Variants in NEXMIF observed in about 807,000 individuals in gnomAD.
NEXMIF encodes neurite extension and migration factor, also known as XLMR protein related to neurite extension.
NEXMIF carries 8 observed loss-of-function variants against 62.1 expected under a neutral mutation model. That is an observed-to-expected ratio of 0.13 (90% CI 0.08 to 0.23). The LOEUF is 0.23. Ranked by LOEUF, NEXMIF falls within the 10% of genes least tolerant of loss-of-function variation. NEXMIF has a pLI of 1.00. For missense variants in NEXMIF, 976 were observed against 1,113.3 expected (o/e 0.88, Z 1.75); for synonymous variants, 404 against 416.6 (o/e 0.97, Z 0.37).
chrX:74,882,338 G>A (rs758617806), intron 1 of NEXMIF, among the ~76,000 whole-genome samples: 1 of 112,015 alleles, frequency 8.9e-6, no homozygotes, highest in South Asian at 3.7e-4. Context: ...TGAGTCGAAG[G>A]AGGTCAAGGC....
chrX:74,919,959 C>T (rs1305698238), intron 1 of NEXMIF, among the ~76,000 whole-genome samples: 1 of 111,401 alleles, frequency 9.0e-6, no homozygotes, highest in African/African-American at 3.3e-5. Context: ...ATGAACTCAT[C>T]ATTTTTTATA....
chrX:74,885,339 A>G (rs1429681595), intron 1 of NEXMIF, among the ~76,000 whole-genome samples: 1 of 111,932 alleles, frequency 8.9e-6, no homozygotes, highest in East Asian at 2.8e-4. Flanking sequence ...AACCCTTCAA[A>G]AAATCAGTGA....
chrX:74,919,208 T>C (rs2080817801), intron 1 of NEXMIF, among the ~76,000 whole-genome samples: 1 of 111,952 alleles, frequency 8.9e-6, no homozygotes, highest in Non-Finnish European at 1.9e-5. Context: ...TTTATGTGCA[T>C]GTGTATGTGC....
chrX:74,790,988 C>A (rs2080280187), intron 1 of NEXMIF, among the ~76,000 whole-genome samples: 1 of 110,762 alleles, frequency 9.0e-6, no homozygotes, highest in Non-Finnish European at 1.9e-5. Flanking sequence ...TGCCTAATTG[C>A]CCTGGCCAGA....
intron 1 of NEXMIF, among the ~76,000 whole-genome samples, chrX:74,864,845 A>T (rs1379167214): frequency 1.8e-5 from 2 of 110,533 alleles, no homozygotes; most frequent in East Asian, 5.7e-4. Flanking sequence ...AGTAGCTGGG[A>T]CTATAGGCAC....
intron 1 of NEXMIF, among the ~76,000 whole-genome samples, chrX:74,800,016 A>G (rs1426874515): frequency 1.8e-5 from 2 of 111,721 alleles, no homozygotes; most frequent in Non-Finnish European, 3.8e-5. Context: ...CAATGAGAAA[A>G]TAGAAAGCCT....
At chrX:74,847,107 T>A (rs1445671560) in intron 1 of NEXMIF, among the ~76,000 whole-genome samples, 1 of 112,284 alleles carries the variant, frequency 8.9e-6, no homozygotes, top group African/African-American at 3.2e-5. Context: ...AAACACAAAG[T>A]CATTTTCTCT....
chrX:74,873,962 A>G (rs1209975416), intron 1 of NEXMIF, among the ~76,000 whole-genome samples: 1 of 111,107 alleles, frequency 9.0e-6, no homozygotes. Context: ...CTCTGATGGT[A>G]GTTTCTTTTG....
intron 1 of NEXMIF, among the ~76,000 whole-genome samples, chrX:74,750,375 T>G (rs2080138297): frequency 9.0e-6 from 1 of 111,729 alleles, no homozygotes; most frequent in Admixed American, 9.5e-5. Context: ...CAGGATCTTC[T>G]TGGGAATAAA....
At chrX:74,836,463 C>T (rs1215329661) in intron 1 of NEXMIF, among the ~76,000 whole-genome samples, 1 of 111,973 alleles carries the variant, frequency 8.9e-6, no homozygotes, top group Non-Finnish European at 1.9e-5. Flanking sequence ...GGTATTGGTG[C>T]TGGTTATTCA....
chrX:74,916,814 G>C (rs1018654982), intron 1 of NEXMIF, among the ~76,000 whole-genome samples: 1 of 111,623 alleles, frequency 9.0e-6, no homozygotes, highest in Admixed American at 9.5e-5. Flanking sequence ...AAAATAGGGG[G>C]GTAAATTCAT....
intron 1 of NEXMIF, among the ~76,000 whole-genome samples, chrX:74,879,344 T>C (rs1044524425): frequency 1.8e-5 from 2 of 112,002 alleles, no homozygotes; most frequent in Non-Finnish European, 3.8e-5. Flanking sequence ...GCTCAACAAA[T>C]TCCAAGTAGG....
intron 1 of NEXMIF, among the ~76,000 whole-genome samples, chrX:74,868,644 G>A (rs1156276929): frequency 3.7e-5 from 4 of 108,892 alleles, no homozygotes; most frequent in Admixed American, 1.0e-4. Context: ...GGGGGAAGAA[G>A]AGCATCAGGA....
chrX:74,917,968 T>C (rs2080813605), intron 1 of NEXMIF, among the ~76,000 whole-genome samples: 1 of 111,487 alleles, frequency 9.0e-6, no homozygotes, highest in East Asian at 2.8e-4. Flanking sequence ...GCTAAGTGGC[T>C]CTTCTTCATA....
chrX:74,761,500 T>A (rs1029149614), intron 1 of NEXMIF, among the ~76,000 whole-genome samples: 1 of 111,722 alleles, frequency 9.0e-6, no homozygotes, highest in African/African-American at 3.3e-5. Flanking sequence ...TTTTCCAGTT[T>A]GTGTCCATAG....
At chrX:74,766,091 T>C (rs1275518706) in intron 1 of NEXMIF, among the ~76,000 whole-genome samples, 1 of 109,454 alleles carries the variant, frequency 9.1e-6, no homozygotes, top group Non-Finnish European at 1.9e-5. Context: ...TCTTCTGGCT[T>C]GTAGGGTTTC....
intron 1 of NEXMIF, among the ~76,000 whole-genome samples, chrX:74,922,952 T>G (rs963781270): frequency 4.5e-5 from 5 of 111,486 alleles, no homozygotes; most frequent in African/African-American, 1.3e-4. Context: ...AAATTTCAAG[T>G]CTTACAAATT....
At chrX:74,916,719 A>T (rs1490575177) in intron 1 of NEXMIF, among the ~76,000 whole-genome samples, 1 of 111,838 alleles carries the variant, frequency 8.9e-6, no homozygotes, top group Non-Finnish European at 1.9e-5. Flanking sequence ...AGTTTCAGGC[A>T]TTCCATTAAA....
At chrX:74,827,692 A>G (rs1278976390) in intron 1 of NEXMIF, among the ~76,000 whole-genome samples, 1 of 111,677 alleles carries the variant, frequency 9.0e-6, no homozygotes, top group Non-Finnish European at 1.9e-5. Flanking sequence ...ATTTCCATGG[A>G]TTAAACAATT....
Sources: gnomAD v4.1 joint callset for allele counts (sites outside exome capture counted in the v4.1 genomes callset) on GRCh38, gnomAD v4.1.1 for gene constraint, MANE v1.5 for transcripts, NCBI Gene and HGNC (gene_info 2026-07-23, HGNC 2026-07-21) for gene names.